Variants in RPS6KA6 observed in about 807,000 individuals in gnomAD.
RPS6KA6 encodes ribosomal protein S6 kinase alpha-6.
Under a neutral mutation model 65.4 loss-of-function variants are expected in RPS6KA6, and 27 were observed. The observed-to-expected ratio is 0.41, with a 90% CI of 0.30 to 0.57. RPS6KA6 has a LOEUF of 0.57. Among genes scored for constraint, RPS6KA6 ranks in the 20% least tolerant of loss-of-function variants. The pLI is 0.24. For missense variants in RPS6KA6, 486 were observed against 555.6 expected (o/e 0.87, Z 1.26); for synonymous variants, 190 against 184.2 (o/e 1.03, Z -0.26).
At chrX:84,131,454 A>T (rs2034896606) in intron 8 of RPS6KA6, among the ~76,000 whole-genome samples, 1 of 112,419 alleles carries the variant, frequency 8.9e-6, no homozygotes, top group Non-Finnish European at 1.9e-5. Flanking sequence ...AACTCTGCAC[A>T]TTCCATTTAC....
intron 6 of RPS6KA6, among the ~76,000 whole-genome samples, chrX:84,137,374 T>A (rs1434240078): frequency 8.9e-6 from 1 of 111,841 alleles, no homozygotes; most frequent in Non-Finnish European, 1.9e-5. Context: ...GACATTTAGG[T>A]TATTTCCATT....
At chrX:84,115,307 G>A (rs777178176) in intron 12 of RPS6KA6, among the ~76,000 whole-genome samples, 10 of 111,553 alleles carry the variant, frequency 9.0e-5, no homozygotes, top group South Asian at 3.7e-4. Context: ...ATATGAACAC[G>A]CATTTTACAA....
chrX:84,068,239 G>A (rs1404504735), intron 20 of RPS6KA6, among the ~76,000 whole-genome samples: 1 of 111,756 alleles, frequency 8.9e-6, no homozygotes, highest in Non-Finnish European at 1.9e-5. Context: ...CTAGCATCAT[G>A]ATGACACGAT....
At position 84,062,952 on chromosome X, in the gene RPS6KA6, T is replaced by TAGTAGCAGCAGC. The variant is rs760428123; in HGVS notation, c.*1324_*1325insGCTGCTGCTACT. 12 of 110,207 alleles carry TAGTAGCAGCAGC rather than the reference T, an allele frequency of 1.1e-4. No individual in the cohort carries two copies. The highest frequency in any genetic ancestry group is 2.1e-4 in the Non-Finnish European group (11 of 52,673). 9.1% of individuals were successfully genotyped at this position (110,207 alleles called of 1,213,427 possible). A position where few individuals can be genotyped will look rare whatever the true frequency, so the allele number is the denominator to read the frequency against. The stretch of plus-strand genomic sequence containing the variant: ...GTAGTAGTAGTAGTAGTAGTAGTAG[T>TAGTAGCAGCAGC]AGCAGTAGTAGCTGCTGCTGTTGTT... On this transcript the variant is annotated 3_prime_UTR_variant, in exon 22 of 22. Coordinates refer to ENST00000262752, the MANE Select transcript of RPS6KA6 (RefSeq NM_014496.5).
rs754274271 is a variant in RPS6KA6 at position 84,183,565 on chromosome X, T to C, written c.81+4254A>G. 4.1e-3 allele frequency among the ~76,000 whole-genome samples: 458 copies of C among 111,832 alleles called. 2 individuals are homozygous for C. The highest frequency in any genetic ancestry group is 0.014 in the African/African-American group (425 of 30,795). On this transcript the variant is annotated intron_variant, in intron 1 of 21. Transcript: ENST00000262752. Reference sequence around the variant, plus strand: ...CTGGCTTAAAAAGTCCCATTCAACCTGGGCCTAGCTTACCTTTAATACATT... The same window carrying C: ...CTGGCTTAAAAAGTCCCATTCAACCCGGGCCTAGCTTACCTTTAATACATT...
chrX:84,161,370 T>C (rs2035509008), intron 2 of RPS6KA6, among the ~76,000 whole-genome samples: 1 of 111,765 alleles, frequency 8.9e-6, no homozygotes, highest in Non-Finnish European at 1.9e-5. Flanking sequence ...AACTCGACTT[T>C]ATAGTGGCTG....
intron 12 of RPS6KA6, among the ~76,000 whole-genome samples, chrX:84,109,532 T>C (rs1047421889): frequency 2.3e-4 from 25 of 111,016 alleles, no homozygotes; most frequent in Non-Finnish European, 3.8e-4. Context: ...TTCTGAGCAT[T>C]CTGTGGGCGC....
intron 20 of RPS6KA6, among the ~76,000 whole-genome samples, chrX:84,079,360 C>T (rs1378782508): frequency 9.0e-6 from 1 of 111,406 alleles, no homozygotes; most frequent in East Asian, 2.8e-4. Flanking sequence ...CCACCAGGGC[C>T]CTAGGTTTCA....
At chrX:84,122,362 T>C (rs1452564045) in intron 8 of RPS6KA6, among the ~76,000 whole-genome samples, 4 of 1,658 alleles carry the variant, frequency 2.4e-3, no homozygotes, top group African/African-American at 3.7e-3. Flanking sequence ...TTTTTTTAAG[T>C]TTTTTTTTTT....
intron 6 of RPS6KA6, among the ~76,000 whole-genome samples, chrX:84,136,903 C>T (rs2147519021): frequency 9.0e-6 from 1 of 111,530 alleles, no homozygotes; most frequent in Non-Finnish European, 1.9e-5. Flanking sequence ...GAAGGAGGCC[C>T]AAGACATGAA....
chrX:84,105,525 T>C (rs2034341102), intron 16 of RPS6KA6, among the ~76,000 whole-genome samples: 1 of 111,025 alleles, frequency 9.0e-6, no homozygotes, highest in African/African-American at 3.3e-5. Context: ...GCTACAATGT[T>C]AACTAGTTAA....
intron 8 of RPS6KA6, among the ~76,000 whole-genome samples, chrX:84,123,850 T>G (rs1372960333): frequency 1.8e-5 from 2 of 111,131 alleles, no homozygotes; most frequent in African/African-American, 3.3e-5. Context: ...AAAATAGGTT[T>G]TACCCAGGTA....
chrX:84,102,175 A>C lies in RPS6KA6; in HGVS notation c.1638T>G (p.Pro546=), dbSNP rs745709775. The C allele has an allele frequency of 1.2e-5, 14 of 1,145,695 alleles. No individual in the cohort carries two copies. Among genetic ancestry groups the C allele is most frequent in the Non-Finnish European group, 1.5e-5 (13 of 854,386 alleles). The allele number at this position is 1,145,695 out of a possible 1,213,427, so 94.4% of individuals were successfully genotyped here. A position where few individuals can be genotyped will look rare whatever the true frequency, so the allele number is the denominator to read the frequency against. ...ATTCATCCATGTATAAAATATTACT[A>C]GGTTTAAGATCACGATGAACAACCT... The part of the protein sequence containing the change: ...CQGVVHRDLK[P]SNILYMDESA... Residue 546 remains proline, a synonymous_variant, in exon 18 of 22, where the codon CCT becomes CCG. Transcript: ENST00000262752.
intron 3 of RPS6KA6, among the ~76,000 whole-genome samples, chrX:84,149,180 G>A (rs774339488): frequency 3.1e-4 from 35 of 111,778 alleles, no homozygotes; most frequent in African/African-American, 9.1e-4. Flanking sequence ...CAGCACTTCC[G>A]TCACATCTTT....
At chrX:84,170,531 G>A (rs1376659869) in intron 1 of RPS6KA6, among the ~76,000 whole-genome samples, 2 of 110,908 alleles carry the variant, frequency 1.8e-5, no homozygotes, top group Non-Finnish European at 3.8e-5. Flanking sequence ...TGGGGAGGCT[G>A]AGGCAGGAGA....
intron 5 of RPS6KA6, 53 bp from the exon 6 acceptor site, chrX:84,145,610 T>A: frequency 1.6e-6 from 1 of 642,243 alleles, no homozygotes; most frequent in Non-Finnish European, 2.3e-6. Context: ...CTTAAAAAGC[T>A]TAGTATGCTT....
Position 84,064,410 on chromosome X carries a change from A to T in RPS6KA6, c.2113-8T>A. On this transcript the variant is annotated splice_region_variant and splice_polypyrimidine_tract_variant and intron_variant, in intron 21 of 21. Coordinates refer to ENST00000262752, the MANE Select transcript of RPS6KA6 (RefSeq NM_014496.5). The stretch of plus-strand genomic sequence containing the variant: ...TGTTGCAACCATTGCTCCCTAAAGT[A>T]ATGAGAAAATGCCACAAACTAAGTA... The T allele has an allele frequency of 8.5e-7, 1 of 1,175,382 alleles. No homozygotes were observed. Among genetic ancestry groups the T allele is most frequent in the Non-Finnish European group, 1.1e-6 (1 of 880,235 alleles).
intron 1 of RPS6KA6, among the ~76,000 whole-genome samples, chrX:84,183,122 T>G (rs1334524163): frequency 8.9e-6 from 1 of 112,032 alleles, no homozygotes; most frequent in Non-Finnish European, 1.9e-5. Context: ...CTCCCTATAC[T>G]GCAAAGATCT....
intron 1 of RPS6KA6, chrX:84,186,181 T>C (rs2147662347): frequency 2.1e-6 from 1 of 477,943 alleles, no homozygotes; most frequent in East Asian, 3.8e-5. Context: ...CTGCAAACAA[T>C]AAAAAAACCA....
Sources: allele counts gnomAD v4.1 joint callset (sites outside exome capture counted in the v4.1 genomes callset), GRCh38; gene constraint gnomAD v4.1.1; transcripts MANE v1.5; gene names NCBI Gene and HGNC (gene_info 2026-07-23, HGNC 2026-07-21).